Variants in ZNF407 observed in about 807,000 individuals in gnomAD.
ZNF407 encodes zinc finger protein 407.
A neutral mutation model predicts 131.2 loss-of-function variants in ZNF407; 17 were observed. The observed-to-expected ratio is 0.13, with a 90% CI of 0.09 to 0.19. ZNF407 has a LOEUF of 0.19. Ranked by LOEUF, ZNF407 falls within the 10% of genes least tolerant of loss-of-function variation. ZNF407 has a pLI of 1.00. For synonymous variants in ZNF407, 1,156 were observed against 1,062.0 expected (o/e 1.09, Z -1.72); for missense variants, 2,681 against 2,830.6 (o/e 0.95, Z 1.20).
intron 4 of ZNF407, among the ~76,000 whole-genome samples, chr18:74,801,879 A>G (rs1042007960): frequency 2.6e-5 from 4 of 152,234 alleles, no homozygotes; most frequent in Non-Finnish European, 4.4e-5. Context: ...GAAATCGTCC[A>G]AGTACATAGT....
At position 74,632,395 on chromosome 18, in the gene ZNF407, T is replaced by C; in HGVS notation, c.1376T>C (p.Met459Thr). Residue 459 changes from methionine (M) to threonine (T), a missense_variant, in exon 2 of 9, where the codon ATG becomes ACG. Coordinates refer to ENST00000299687, the MANE Select transcript of ZNF407 (RefSeq NM_017757.3). ...IKRGTSETQR[M>T]YMKHLRTQMK... ...AGAGGTACAAGTGAAACTCAGAGGA[T>C]GTATATGAAACACTTGAGAACACAG... 1.9e-6 allele frequency: 3 copies of C among 1,614,020 alleles called. No homozygotes were observed. The highest frequency in any genetic ancestry group is 2.5e-6 in the Non-Finnish European group (3 of 1,179,900).
At chr18:74,828,520 A>G (rs1022330610) in intron 4 of ZNF407, among the ~76,000 whole-genome samples, 6 of 151,946 alleles carry the variant, frequency 3.9e-5, no homozygotes, top group Non-Finnish European at 8.8e-5. Flanking sequence ...TACTGAATGA[A>G]TAAAGTTTTT....
At chr18:74,677,412 C>CT (rs779002823) in intron 3 of ZNF407, among the ~76,000 whole-genome samples, 91 of 152,238 alleles carry the variant, frequency 6.0e-4, no homozygotes, top group Non-Finnish European at 9.0e-4. Context: ...TATTCTAAAT[C>CT]TTTGAGGTAT....
At chr18:74,940,341 C>G (rs187812298) in intron 8 of ZNF407, among the ~76,000 whole-genome samples, 1 of 151,988 alleles carries the variant, frequency 6.6e-6, no homozygotes, top group Non-Finnish European at 1.5e-5. Flanking sequence ...CTGCCCCTGC[C>G]CAGGGAAGGG....
At chr18:74,668,657 A>G (rs915391650) in intron 3 of ZNF407, among the ~76,000 whole-genome samples, 3 of 152,180 alleles carry the variant, frequency 2.0e-5, no homozygotes, top group African/African-American at 7.2e-5. Flanking sequence ...CCTAGCACTT[A>G]TTATAGACTT....
At chr18:74,967,972 T>C (rs1465570115) in intron 8 of ZNF407, among the ~76,000 whole-genome samples, 1 of 152,182 alleles carries the variant, frequency 6.6e-6, no homozygotes, top group African/African-American at 2.4e-5. Context: ...CAATTGTCTA[T>C]GTTTTTTTGT....
chr18:74,889,876 T>A (rs1161041563), intron 6 of ZNF407, 42 bp from the exon 7 acceptor site: 1 of 1,556,862 alleles, frequency 6.4e-7, no homozygotes, highest in Non-Finnish European at 8.7e-7. Context: ...CATTTCCAGT[T>A]GTTATTATTA....
intron 3 of ZNF407, among the ~76,000 whole-genome samples, chr18:74,705,730 A>C (rs1361343525): frequency 6.6e-6 from 1 of 152,218 alleles, no homozygotes; most frequent in African/African-American, 2.4e-5. Flanking sequence ...TCTTGTAAAT[A>C]GAAAACAAAT....
intron 2 of ZNF407, among the ~76,000 whole-genome samples, chr18:74,638,750 A>G (rs1599033204): frequency 6.6e-6 from 1 of 152,224 alleles, no homozygotes; most frequent in African/African-American, 2.4e-5. Context: ...AACTGTTGCA[A>G]ATAATATTGT....
rs147877325 is a variant in ZNF407, at chr18:74,917,408, A to G, written c.5250-3106A>G. Among the ~76,000 whole-genome samples, 420 of 152,348 alleles carry G rather than the reference A, an allele frequency of 2.8e-3. 1 individual carries two copies. Among genetic ancestry groups the G allele is most frequent in the African/African-American group, 9.2e-3 (383 of 41,580 alleles). ...TATACAAACATATGCACATATCTGT[A>G]TAAGAATATATGTGTGGAATAGTCC... On this transcript the variant is annotated intron_variant, in intron 7 of 8. Transcript: ENST00000299687.
chr18:74,813,176 G>A lies in ZNF407; in HGVS notation c.4877+31674G>A, dbSNP rs760139110. Among the ~76,000 whole-genome samples, 10 of 152,268 alleles carry A rather than the reference G, an allele frequency of 6.6e-5. No individual in the cohort carries two copies. The South Asian group carries it at 1.0e-3, about 16-fold the overall frequency. On this transcript the variant is annotated intron_variant, in intron 4 of 8. Coordinates refer to ENST00000299687, the MANE Select transcript of ZNF407 (RefSeq NM_017757.3). The stretch of plus-strand genomic sequence containing the variant: ...CCTTGTCCACAGCAGATTGTGCTGC[G>A]CTGGCTTGCAGTTTTAGTAAGACTT...
intron 3 of ZNF407, among the ~76,000 whole-genome samples, chr18:74,773,353 A>G (rs879866022): frequency 6.7e-6 from 1 of 148,176 alleles, no homozygotes; most frequent in African/African-American, 2.6e-5. Flanking sequence ...TGGAACTATC[A>G]GTAGAAGCCA....
intron 4 of ZNF407, among the ~76,000 whole-genome samples, chr18:74,800,162 A>T (rs1272431244): frequency 6.6e-6 from 1 of 152,040 alleles, no homozygotes; most frequent in Admixed American, 6.6e-5. Flanking sequence ...CTAAGGATAT[A>T]ACCTGAGCAC....
intron 8 of ZNF407, among the ~76,000 whole-genome samples, chr18:74,947,778 A>C: frequency 6.6e-6 from 1 of 152,168 alleles, no homozygotes; most frequent in East Asian, 1.9e-4. Context: ...CCTTCAATGA[A>C]AGTGAAGCGC....
chr18:74,623,383 C>T (rs1312228596), intron 1 of ZNF407, among the ~76,000 whole-genome samples: 1 of 151,948 alleles, frequency 6.6e-6, no homozygotes, highest in Non-Finnish European at 1.5e-5. Context: ...TGGGTGTGTG[C>T]ACATGAGGGC....
intron 2 of ZNF407, among the ~76,000 whole-genome samples, chr18:74,637,106 T>C (rs1225744375): frequency 6.6e-6 from 1 of 152,234 alleles, no homozygotes; most frequent in Non-Finnish European, 1.5e-5. Context: ...CTTGTAATTA[T>C]AGTCAATAAG....
At chr18:74,899,275 AAAGGT>A (rs1261063485) in intron 7 of ZNF407, among the ~76,000 whole-genome samples, 5 of 152,212 alleles carry the variant, frequency 3.3e-5, no homozygotes, top group Non-Finnish European at 1.5e-5. Flanking sequence ...AGACAATTGC[AAAGGT>A]ACACGCAGAA....
chr18:74,932,763 TACTC>T (rs1332242282), intron 8 of ZNF407, among the ~76,000 whole-genome samples: 8 of 152,364 alleles, frequency 5.3e-5, no homozygotes, highest in Non-Finnish European at 8.8e-5. Context: ...TGGTAAATAA[TACTC>T]ACCAATTTAG....
intron 4 of ZNF407, among the ~76,000 whole-genome samples, chr18:74,848,653 A>G (rs553814579): frequency 6.6e-6 from 1 of 152,362 alleles, no homozygotes; most frequent in African/African-American, 2.4e-5. Flanking sequence ...TCCTCAAGTT[A>G]TAACACTGAT....
Sources: allele counts gnomAD v4.1 joint callset (sites outside exome capture counted in the v4.1 genomes callset), GRCh38; gene constraint gnomAD v4.1.1; transcripts MANE v1.5; gene names NCBI Gene and HGNC (gene_info 2026-07-23, HGNC 2026-07-21).